CAPN7: variants seen among roughly 807,000 people sequenced by gnomAD.
The protein encoded by CAPN7 is calpain-7.
In CAPN7, 72 loss-of-function variants were observed where a neutral mutation model predicts 115.2. The ratio of observed to expected loss-of-function variants is 0.63; its 90% CI spans 0.52 to 0.76. CAPN7 has a LOEUF of 0.76. CAPN7 is among the 30% of genes least tolerant of loss of function. The pLI is 0.00. For missense variants in CAPN7, 905 were observed against 971.5 expected (o/e 0.93, Z 0.91); for synonymous variants, 344 against 322.3 (o/e 1.07, Z -0.72).
intron 11 of CAPN7, among the ~76,000 whole-genome samples, chr3:15,234,297 C>T (rs1559402903): frequency 6.6e-6 from 1 of 152,052 alleles, no homozygotes; most frequent in Non-Finnish European, 1.5e-5. Flanking sequence ...GCCTGGGCAA[C>T]AAGAGCAAAA....
intron 15 of CAPN7, 35 bp downstream of exon 15, chr3:15,241,623 A>C (rs1695355977): frequency 6.3e-6 from 10 of 1,587,114 alleles, no homozygotes; most frequent in Non-Finnish European, 8.6e-6. Flanking sequence ...CCCATACAGA[A>C]ATTTTTTTAA....
chr3:15,220,238 A>T (rs1693891903), intron 4 of CAPN7, among the ~76,000 whole-genome samples: 1 of 152,078 alleles, frequency 6.6e-6, no homozygotes, highest in East Asian at 1.9e-4. Flanking sequence ...AAATTACCTT[A>T]ATTCATTGTG....
intron 2 of CAPN7, among the ~76,000 whole-genome samples, chr3:15,216,238 C>T (rs1161284769): frequency 6.6e-6 from 1 of 152,214 alleles, no homozygotes; most frequent in African/African-American, 2.4e-5. Context: ...AGAGTGGCTA[C>T]ATCATTTCAC....
At chr3:15,242,109 G>A (rs1695383600) in intron 15 of CAPN7, 69 bp from the exon 16 acceptor site, 1 of 996,862 alleles carries the variant, frequency 1.0e-6, no homozygotes, top group Non-Finnish European at 1.5e-6. Context: ...TTTTTGGAGA[G>A]ATTTAAAAAG....
intron 7 of CAPN7, 76 bp downstream of exon 7, chr3:15,228,041 C>T: frequency 1.7e-6 from 2 of 1,162,808 alleles, no homozygotes; most frequent in South Asian, 3.0e-5. Flanking sequence ...TGAGTTTTTT[C>T]TTAGATTTTT....
At chr3:15,208,536 T>G (rs1180241114) in intron 1 of CAPN7, among the ~76,000 whole-genome samples, 1 of 150,274 alleles carries the variant, frequency 6.7e-6, no homozygotes, top group African/African-American at 2.5e-5. Context: ...GGTCAAGCGA[T>G]CTTCCTGCCT....
intron 12 of CAPN7, among the ~76,000 whole-genome samples, chr3:15,235,925 C>G (rs1481599627): frequency 4.6e-5 from 7 of 152,086 alleles, no homozygotes; most frequent in Admixed American, 6.5e-5. Flanking sequence ...GAAGCTGATG[C>G]AGAAGGATCT....
At chr3:15,221,683 T>C (rs1394233925) in intron 5 of CAPN7, among the ~76,000 whole-genome samples, 1 of 151,672 alleles carries the variant, frequency 6.6e-6, no homozygotes, top group Non-Finnish European at 1.5e-5. Context: ...GAAATAGGAG[T>C]GTAGGTGGTG....
intron 12 of CAPN7, among the ~76,000 whole-genome samples, chr3:15,238,381 T>C (rs1003453437): frequency 3.9e-5 from 6 of 152,090 alleles, no homozygotes; most frequent in African/African-American, 9.7e-5. Flanking sequence ...CCCAAAGTGC[T>C]GGGATTACAG....
intron 9 of CAPN7, among the ~76,000 whole-genome samples, chr3:15,231,794 CT>C (rs771812628): frequency 1.9e-4 from 29 of 152,188 alleles, no homozygotes; most frequent in Non-Finnish European, 3.1e-4. Context: ...TCCTAAAGTG[CT>C]GGGATTACAG....
At chr3:15,221,993 C>T (rs755615814) in intron 5 of CAPN7, among the ~76,000 whole-genome samples, 13 of 149,004 alleles carry the variant, frequency 8.7e-5, no homozygotes, top group Non-Finnish European at 1.6e-4. Flanking sequence ...TATATACATA[C>T]GTATACATAT....
At chr3:15,231,918 A>T (rs1694714656) in intron 9 of CAPN7, among the ~76,000 whole-genome samples, 1 of 152,202 alleles carries the variant, frequency 6.6e-6, no homozygotes, top group African/African-American at 2.4e-5. Context: ...TTCTACTCTT[A>T]CAACTATACA....
At chr3:15,232,170 C>A in intron 9 of CAPN7, 1 of 393,868 alleles carries the variant, frequency 2.5e-6, no homozygotes, top group Non-Finnish European at 4.9e-6. Flanking sequence ...TAAGTATTTC[C>A]TTTGAGCATC....
chr3:15,245,729 C>T, intron 17 of CAPN7, 58 bp downstream of exon 17: 1 of 1,438,868 alleles, frequency 6.9e-7, no homozygotes, highest in Non-Finnish European at 9.4e-7. Flanking sequence ...GTAATATGCT[C>T]TGCTTTGTAA....
chr3:15,222,094 G>C (rs1694037025), intron 5 of CAPN7, among the ~76,000 whole-genome samples: 1 of 149,612 alleles, frequency 6.7e-6, no homozygotes, highest in South Asian at 2.1e-4. Flanking sequence ...AAGAATATAT[G>C]ACAGAAACCT....
chr3:15,212,282 TG>T, intron 2 of CAPN7, 70 bp downstream of exon 2: 1 of 809,464 alleles, frequency 1.2e-6, no homozygotes, highest in Admixed American at 2.7e-5. Context: ...CCCCCATGTT[TG>T]TTTCTCTTCT....
At chr3:15,228,931 T>A in intron 7 of CAPN7, 43 bp from the exon 8 acceptor site, 1 of 1,427,638 alleles carries the variant, frequency 7.0e-7, no homozygotes, top group Non-Finnish European at 9.8e-7. Context: ...AATGTTGAAA[T>A]TACGTGAATG....
At chr3:15,218,562 CT>C in intron 4 of CAPN7, 22 bp downstream of exon 4, 1 of 1,565,770 alleles carries the variant, frequency 6.4e-7, no homozygotes. Flanking sequence ...CTCTCAAGTT[CT>C]AATCCATGGA....
chr3:15,211,966 A>G (rs149686777), intron 1 of CAPN7, 138 bp from the exon 2 acceptor site: 89 of 472,900 alleles, frequency 1.9e-4, no homozygotes, highest in African/African-American at 1.8e-3. Flanking sequence ...CTACTTTATG[A>G]AAAAAATTAC....
Sources: gnomAD v4.1 joint callset for allele counts (sites outside exome capture counted in the v4.1 genomes callset) on GRCh38, gnomAD v4.1.1 for gene constraint, MANE v1.5 for transcripts, NCBI Gene and HGNC (gene_info 2026-07-23, HGNC 2026-07-21) for gene names.